The following CFTR variants were observed in gnomAD, a reference collection of about 807,000 sequenced individuals.
CFTR encodes the protein CF transmembrane conductance regulator, also known as cystic fibrosis transmembrane conductance regulator.
A neutral mutation model predicts 171.6 loss-of-function variants in CFTR; 181 were observed. The ratio of observed to expected loss-of-function variants is 1.05; its 90% CI spans 0.93 to 1.19. CFTR has a LOEUF of 1.19. Ranked by LOEUF, CFTR falls within the 50% of genes most tolerant of loss-of-function variation. CFTR has a pLI of 0.00. For synonymous variants in CFTR, 583 were observed against 608.0 expected (o/e 0.96, Z 0.60); for missense variants, 1,968 against 1,734.7 (o/e 1.13, Z -2.39).
At chr7:117,577,944 A>T (rs2115991823) in intron 11 of CFTR, among the ~76,000 whole-genome samples, 2 of 152,288 alleles carry the variant, frequency 1.3e-5, no homozygotes, top group South Asian at 4.1e-4. Context: ...GCAGGATACC[A>T]AGTCTATCTT....
chr7:117,628,142 A>G lies in CFTR; in HGVS notation c.3717+372A>G, dbSNP rs35395275. On this transcript the variant is annotated intron_variant, in intron 22 of 26. Coordinates refer to ENST00000003084, the MANE Select transcript of CFTR (RefSeq NM_000492.4). Reference sequence around the variant, plus strand: ...CCATCTATTGTCTTAAATTTTATCTAAGTTCCATTCTGCCAAACAAGTGAT... The same window carrying G: ...CCATCTATTGTCTTAAATTTTATCTGAGTTCCATTCTGCCAAACAAGTGAT... 2.2e-3 allele frequency among the ~76,000 whole-genome samples: 332 copies of G among 152,248 alleles called. 3 individuals carry two copies. Among genetic ancestry groups the G allele is most frequent in the African/African-American group, 6.1e-3 (252 of 41,568 alleles).
chr7:117,566,248 A>AACACACACACACACAC (rs71314621), intron 11 of CFTR, among the ~76,000 whole-genome samples: 20 of 138,890 alleles, frequency 1.4e-4, no homozygotes, highest in South Asian at 7.3e-4. Flanking sequence ...AGCCTACTAA[A>AACACACACACACACAC]ACACACACAC....
chr7:117,535,187 G>T, intron 5 of CFTR, 61 bp from the exon 6 acceptor site: 1 of 1,555,076 alleles, frequency 6.4e-7, no homozygotes. Flanking sequence ...ATATATGATT[G>T]TTAGTTTCTA....
chr7:117,515,739 G>A (rs1490097437), intron 3 of CFTR, among the ~76,000 whole-genome samples: 3 of 152,048 alleles, frequency 2.0e-5, no homozygotes, highest in Non-Finnish European at 2.9e-5. Context: ...AAATTACTTT[G>A]GGCAGTATAG....
At chr7:117,658,766 T>C (rs1793220353) in intron 24 of CFTR, among the ~76,000 whole-genome samples, 1 of 152,148 alleles carries the variant, frequency 6.6e-6, no homozygotes, top group Admixed American at 6.6e-5. Flanking sequence ...ATCTGAAATA[T>C]ATTCACTTTT....
chr7:117,485,093 T>C (rs1326005492), intron 1 of CFTR, among the ~76,000 whole-genome samples: 1 of 152,210 alleles, frequency 6.6e-6, no homozygotes, highest in Non-Finnish European at 1.5e-5. Flanking sequence ...ACATAAATGT[T>C]AACACTTGTT....
chr7:117,641,476 G>T (rs1792911308), intron 22 of CFTR, among the ~76,000 whole-genome samples: 1 of 152,148 alleles, frequency 6.6e-6, no homozygotes, highest in South Asian at 2.1e-4. Context: ...AAGACCATTT[G>T]CTCAGTTATA....
chr7:117,637,709 T>C (rs1043379816), intron 22 of CFTR, among the ~76,000 whole-genome samples: 3 of 151,984 alleles, frequency 2.0e-5, no homozygotes, highest in Non-Finnish European at 4.4e-5. Context: ...AAACCCCGTC[T>C]CTACTAAAAA....
chr7:117,583,765 G>A lies in CFTR; in HGVS notation c.1585-3974G>A, dbSNP rs213959. Among the ~76,000 whole-genome samples the A allele has an allele frequency of 7.6e-3, 1,162 of 152,122 alleles. 18 individuals carry two copies. The highest frequency in any genetic ancestry group is 0.026 in the African/African-American group (1,091 of 41,508). ...GAATCTCCATACTGTTTTCCACAGT[G>A]GTTGTACTAGTTTACAACCCCACCA... On this transcript the variant is annotated intron_variant, in intron 11 of 26. Transcript: ENST00000003084.
At chr7:117,503,707 G>A (rs1280278225) in intron 1 of CFTR, among the ~76,000 whole-genome samples, 1 of 152,120 alleles carries the variant, frequency 6.6e-6, no homozygotes, top group Non-Finnish European at 1.5e-5. Flanking sequence ...ATTCAGACAT[G>A]ATAATTAAGT....
chr7:117,620,488 G>A lies in CFTR; in HGVS notation c.3468+5775G>A, dbSNP rs1294776096. 3.9e-5 allele frequency among the ~76,000 whole-genome samples: 6 copies of A among 152,228 alleles called. No homozygotes were observed. The South Asian group carries it at 1.0e-3, about 26-fold the overall frequency. ...TTTCTGCTACTGTCCCTGAATGCTA[G>A]AGTCCATTGATTAAGTTATTCACTG... On this transcript the variant is annotated intron_variant, in intron 21 of 26. Transcript: ENST00000003084.
At chr7:117,616,541 G>A (rs1201368512) in intron 21 of CFTR, among the ~76,000 whole-genome samples, 1 of 152,044 alleles carries the variant, frequency 6.6e-6, no homozygotes, top group Non-Finnish European at 1.5e-5. Context: ...TTACATAGTA[G>A]CCTCTACACA....
intron 26 of CFTR, 120 bp downstream of exon 26, chr7:117,665,684 A>T: frequency 1.4e-6 from 1 of 731,676 alleles, no homozygotes; most frequent in Admixed American, 2.0e-5. Flanking sequence ...AATATGTATC[A>T]TACAGCCATC....
intron 11 of CFTR, among the ~76,000 whole-genome samples, chr7:117,562,590 C>T (rs977095924): frequency 1.3e-5 from 2 of 152,134 alleles, no homozygotes; most frequent in Non-Finnish European, 2.9e-5. Flanking sequence ...ATAAAAATTA[C>T]TTGTGTGAGT....
At chr7:117,539,539 C>T (rs758213676) in intron 7 of CFTR, among the ~76,000 whole-genome samples, 6 of 151,952 alleles carry the variant, frequency 3.9e-5, no homozygotes, top group Non-Finnish European at 5.9e-5. Context: ...GATTTTTACA[C>T]ATGCTAAGGC....
At position 117,627,525 on chromosome 7, in the gene CFTR, C is replaced by A. The variant is rs79850223; in HGVS notation, c.3472C>A (p.Arg1158=). Residue 1158 remains arginine (R), a synonymous_variant, in exon 22 of 27, where the codon CGA becomes AGA. Transcript: ENST00000003084. The stretch of plus-strand genomic sequence containing the variant: ...AATGTTGTTATTTTTATTTCAGATG[C>A]GATCTGTGAGCCGAGTCTTTAAGTT... ...NSSIDVDSLM[R]SVSRVFKFID... 1.9e-6 allele frequency: 3 copies of A among 1,612,962 alleles called. No individual in the cohort carries two copies. Among genetic ancestry groups the A allele is most frequent in the Non-Finnish European group, 1.7e-6 (2 of 1,179,242 alleles).
intron 1 of CFTR, among the ~76,000 whole-genome samples, chr7:117,487,097 G>A (rs954505045): frequency 3.3e-5 from 5 of 152,058 alleles, no homozygotes; most frequent in African/African-American, 9.7e-5. Context: ...TGGAGCAGGA[G>A]TGCAGACCTA....
chr7:117,612,006 GATAT>G (rs375943671), intron 20 of CFTR, among the ~76,000 whole-genome samples, 198 bp downstream of exon 20: 4 of 76,770 alleles, frequency 5.2e-5, no homozygotes, highest in Admixed American at 1.7e-4. Flanking sequence ...CTTGAAATCG[GATAT>G]ATATATATAT....
chr7:117,559,858 A>T (rs1411122929), intron 11 of CFTR, among the ~76,000 whole-genome samples: 1 of 152,112 alleles, frequency 6.6e-6, no homozygotes, highest in Non-Finnish European at 1.5e-5. Flanking sequence ...AATGCAATTT[A>T]TTTTTTAAAT....
Sources: gnomAD v4.1 joint callset for allele counts (sites outside exome capture counted in the v4.1 genomes callset) on GRCh38, gnomAD v4.1.1 for gene constraint, MANE v1.5 for transcripts, NCBI Gene and HGNC (gene_info 2026-07-23, HGNC 2026-07-21) for gene names.